NBEAL1: variants seen among roughly 807,000 people sequenced by gnomAD.
NBEAL1 encodes the protein neurobeachin-like protein 1.
NBEAL1 carries 273 observed loss-of-function variants against 351.3 expected under a neutral mutation model. The ratio of observed to expected loss-of-function variants is 0.78; its 90% CI spans 0.70 to 0.86. The LOEUF (loss-of-function observed/expected upper bound fraction) is 0.86. Among genes scored for constraint, NBEAL1 ranks in the 40% least tolerant of loss-of-function variants. The pLI, the probability that NBEAL1 is intolerant of heterozygous loss-of-function variation, is 0.00. For missense variants in NBEAL1, 2,961 were observed against 3,201.3 expected, an observed-to-expected ratio of 0.92 and a Z score of 1.81; for synonymous variants, 1,050 against 1,086.4, an observed-to-expected ratio of 0.97 and a Z score of 0.66.
Position 203,057,180 on chromosome 2 carries a change from T to C in NBEAL1, c.388-146T>C, listed in dbSNP as rs1344808881. ...TATTTTAAAGCTATCGTAGGACATA[T>C]TTAAAATCTTAGTGGCTGTATCCAG... On this transcript the variant is annotated intron_variant, in intron 5 of 55. Transcript: ENST00000683969. The C allele has an allele frequency of 1.7e-5, 10 of 572,666 alleles. No individual in the cohort carries two copies. In the South Asian group the frequency reaches 2.8e-4, roughly 16 times the overall value. The allele number at this position is 572,666 out of a possible 1,614,324, so 35.5% of individuals were successfully genotyped here. A position where few individuals can be genotyped will look rare whatever the true frequency, so the allele number is the denominator to read the frequency against.
chr2:203,144,178 C>A (rs2063451939), intron 31 of NBEAL1, among the ~76,000 whole-genome samples: 1 of 149,420 alleles, frequency 6.7e-6, no homozygotes, highest in African/African-American at 2.5e-5. Context: ...GCCATTGCAC[C>A]CCAACCCGGG....
chr2:203,015,228 TG>T (rs2060657350), intron 1 of NBEAL1, among the ~76,000 whole-genome samples: 1 of 152,174 alleles, frequency 6.6e-6, no homozygotes, highest in African/African-American at 2.4e-5. Flanking sequence ...TGCCTCTGTT[TG>T]GGTTGTCTTG....
rs2060677631 is a variant in NBEAL1 at position 203,016,158 on chromosome 2, T to C, written c.-227T>C. 3 of 363,160 alleles carry C rather than the reference T, an allele frequency of 8.3e-6. No homozygotes were observed. The highest frequency in any genetic ancestry group is 1.5e-5 in the Non-Finnish European group (3 of 205,040). The allele number at this position is 363,160 out of a possible 1,614,324, so 22.5% of individuals were successfully genotyped here. A position where few individuals can be genotyped will look rare whatever the true frequency, so the allele number is the denominator to read the frequency against. Reference sequence around the variant, plus strand: ...GTGGATGTTTTTCTCTTTCACAGATTTATTTAATTGCCCAACTACCACTGA... The same window carrying C: ...GTGGATGTTTTTCTCTTTCACAGATCTATTTAATTGCCCAACTACCACTGA... On this transcript the variant is annotated splice_region_variant and 5_prime_UTR_variant, in exon 2 of 56. Coordinates refer to ENST00000683969, the MANE Select transcript of NBEAL1 (RefSeq NM_001378026.1).
At chr2:203,144,208 C>G (rs2063452888) in intron 31 of NBEAL1, among the ~76,000 whole-genome samples, 1 of 112,078 alleles carries the variant, frequency 8.9e-6, no homozygotes, top group Admixed American at 1.0e-4. Context: ...GAGACTCCAT[C>G]TCAAAAAAAA....
intron 51 of NBEAL1, among the ~76,000 whole-genome samples, chr2:203,206,424 C>G (rs1375608874): frequency 1.3e-5 from 2 of 152,144 alleles, no homozygotes; most frequent in African/African-American, 2.4e-5. Context: ...CCCTCTCCCT[C>G]TCTCCCTCTC....
chr2:203,056,504 A>G lies in NBEAL1; in HGVS notation c.383A>G (p.Gln128Arg). ...ATCACCATGACAACACTCTATATTC[A>G]GCAAGTAGGTGTGAACTAATCTTTT... Reference protein sequence around the residue: ...YVITMTTLYIQQLKSKKKEKE... With the variant: ...YVITMTTLYIRQLKSKKKEKE... The change falls in exon 5 of 56, where the codon CAG (glutamine) becomes CGG (arginine). Residue 128 changes from glutamine (Q) to arginine (R), a missense_variant. By Grantham distance (43) the Gln-to-Arg change is conservative. Transcript: ENST00000683969. 6 of 1,523,076 alleles carry G rather than the reference A, an allele frequency of 3.9e-6. No homozygotes were observed. The highest frequency in any genetic ancestry group is 5.4e-6 in the Non-Finnish European group (6 of 1,119,484). 94.3% of individuals were successfully genotyped at this position (1,523,076 alleles called of 1,614,324 possible).
intron 7 of NBEAL1, among the ~76,000 whole-genome samples, chr2:203,077,289 G>A (rs573503171): frequency 4.6e-5 from 7 of 152,048 alleles, no homozygotes; most frequent in African/African-American, 1.7e-4. Flanking sequence ...AGAATCGCTT[G>A]AATCTGGGAG....
At chr2:203,138,811 C>G (rs2063290275) in intron 31 of NBEAL1, 63 bp downstream of exon 31, 1 of 1,444,640 alleles carries the variant, frequency 6.9e-7, no homozygotes, top group Non-Finnish European at 9.2e-7. Flanking sequence ...ATTTATGTAA[C>G]AAGCCAGTTA....
Position 203,099,613 on chromosome 2 carries a change from C to T in NBEAL1, c.1186-16C>T. The stretch of plus-strand genomic sequence containing the variant: ...GCACATTTGTTAATTTCTTGTTTCC[C>T]CTTCCCCCTCAATAGGTGTTTCAGG... On this transcript the variant is annotated splice_polypyrimidine_tract_variant and intron_variant, in intron 11 of 55. Transcript: ENST00000683969. 3 of 1,502,324 alleles carry T rather than the reference C, an allele frequency of 2.0e-6. No individual in the cohort carries two copies. The highest frequency in any genetic ancestry group is 2.7e-6 in the Non-Finnish European group (3 of 1,116,312). The allele number at this position is 1,502,324 out of a possible 1,614,324, so 93.1% of individuals were successfully genotyped here.
chr2:203,207,106 C>CAAGAG (rs759629275), intron 51 of NBEAL1, among the ~76,000 whole-genome samples: 1,617 of 151,650 alleles, frequency 0.011, 19 homozygotes, highest in Non-Finnish European at 0.017. Context: ...CTCTGCCCGG[C>CAAGAG]CGCCCCGTCT....
intron 34 of NBEAL1, among the ~76,000 whole-genome samples, chr2:203,149,363 C>T (rs1232381621): frequency 6.6e-6 from 1 of 151,786 alleles, no homozygotes; most frequent in Non-Finnish European, 1.5e-5. Flanking sequence ...TTCCTTTGAC[C>T]CTTTGATATG....
In NBEAL1 at chr2:203,224,325, C is replaced by CT. The variant is rs1480393697; in HGVS notation, c.*6973dup. Among the ~76,000 whole-genome samples, 1 of 152,020 alleles carries CT rather than the reference C, an allele frequency of 6.6e-6. No homozygotes were observed. The highest frequency in any genetic ancestry group is 1.5e-5 in the Non-Finnish European group (1 of 67,936). On this transcript the variant is annotated 3_prime_UTR_variant, in exon 56 of 56. Transcript: ENST00000683969. ...GGCTGGTTGGTTCCATTTAGAAACT[C>CT]TTAACAGGTATGGCTTTCATTCCTC...
intron 34 of NBEAL1, among the ~76,000 whole-genome samples, chr2:203,150,045 C>A (rs1270100546): frequency 6.6e-6 from 1 of 152,014 alleles, no homozygotes; most frequent in Non-Finnish European, 1.5e-5. Context: ...AGTGTTTGAA[C>A]ACTTGTTTTT....
intron 3 of NBEAL1, among the ~76,000 whole-genome samples, chr2:203,044,638 G>A (rs1199272932): frequency 6.6e-6 from 1 of 152,112 alleles, no homozygotes. Flanking sequence ...TGTGTTTCAT[G>A]TTTTTGTCAA....
In NBEAL1 at chr2:203,136,134, C is replaced by G; in HGVS notation, c.4271C>G (p.Pro1424Arg). 1 of 1,614,134 alleles carries G rather than the reference C, an allele frequency of 6.2e-7. No individual in the cohort carries two copies. The highest frequency in any genetic ancestry group is 8.5e-7 in the Non-Finnish European group (1 of 1,180,004). ...DSGSQVPDSL[P>R]STPSPVESTK... ...GGAAGTCAAGTGCCAGACAGTCTGCCTAGCACACCATCCCCAGTAGAGTCT... is the reference window on the plus strand; with the variant it reads ...GGAAGTCAAGTGCCAGACAGTCTGCGTAGCACACCATCCCCAGTAGAGTCT... The change falls in exon 28 of 56, where the codon CCT becomes CGT. Residue 1424 changes from proline (P) to arginine (R), a missense_variant. Transcript: ENST00000683969.
At chr2:203,127,213 T>G (rs11689534) in intron 23 of NBEAL1, among the ~76,000 whole-genome samples, 72,403 of 152,020 alleles carry the variant, frequency 0.48, 18,590 homozygotes, top group Middle Eastern at 0.68. Context: ...CTTTGGTTGT[T>G]TTGAGGATTA....
At chr2:203,187,210 G>T (rs1208156551) in intron 44 of NBEAL1, among the ~76,000 whole-genome samples, 1 of 151,522 alleles carries the variant, frequency 6.6e-6, no homozygotes. Context: ...GACTGTAGGT[G>T]CAATACCACC....
chr2:203,108,306 T>C lies in NBEAL1; in HGVS notation c.1949+118T>C, dbSNP rs1010457128. The C allele has an allele frequency of 6.7e-6, 5 of 748,584 alleles. No homozygotes were observed. In the Admixed American group the frequency reaches 1.2e-4, roughly 17 times the overall value. 46.4% of individuals were successfully genotyped at this position (748,584 alleles called of 1,614,324 possible). A position where few individuals can be genotyped will look rare whatever the true frequency, so the allele number is the denominator to read the frequency against. On this transcript the variant is annotated intron_variant, in intron 14 of 55. Coordinates refer to ENST00000683969, the MANE Select transcript of NBEAL1 (RefSeq NM_001378026.1). Reference sequence around the variant, plus strand: ...TTTTAGATATACAGCTTATCTAAAGTCTCTTCATCCTTAGGCTTTATACAG... The same window carrying C: ...TTTTAGATATACAGCTTATCTAAAGCCTCTTCATCCTTAGGCTTTATACAG...
At position 203,069,449 on chromosome 2, in the gene NBEAL1, A is replaced by G. The variant is rs111820364; in HGVS notation, c.598+974A>G. On this transcript the variant is annotated intron_variant, in intron 7 of 55. Coordinates refer to ENST00000683969, the MANE Select transcript of NBEAL1 (RefSeq NM_001378026.1). ...CAGTAGAACAGTATAAGGTGTTTCT[A>G]TTCATCAGGAGTCCTCACAGCCATC... is the stretch of plus-strand genomic sequence containing the variant. Among the ~76,000 whole-genome samples the G allele has an allele frequency of 8.8e-3, 1,334 of 152,240 alleles. 16 individuals are homozygous for G. The highest frequency in any genetic ancestry group is 0.031 in the African/African-American group (1,284 of 41,526).
Sources: allele counts gnomAD v4.1 joint callset (sites outside exome capture counted in the v4.1 genomes callset), GRCh38; gene constraint gnomAD v4.1.1; transcripts MANE v1.5; gene names NCBI Gene and HGNC (gene_info 2026-07-23, HGNC 2026-07-21).